MYO15B: variants seen among roughly 807,000 people sequenced by gnomAD.
MYO15B encodes myosin XVB, also known as myosin XVB pseudogene.
In MYO15B, 207 loss-of-function variants were observed where a neutral mutation model predicts 119.3. The observed-to-expected ratio is 1.73, with a 90% CI of 1.55 to 1.95. The LOEUF is 1.95. MYO15B is among the 30% of genes most tolerant of loss of function. The pLI, the probability that MYO15B is intolerant of heterozygous loss-of-function variation, is 0.00. For synonymous variants in MYO15B, 966 were observed against 498.9 expected (o/e 1.94, Z -12.48); for missense variants, 2,264 against 1,203.1 (o/e 1.88, Z -13.04).
At chr17:75,616,827 C>T (rs1042687202) in intron 39 of MYO15B, 42 bp downstream of exon 39, 16 of 702,948 alleles carry the variant, frequency 2.3e-5, no homozygotes, top group Admixed American at 4.0e-5. Context: ...TCCCGCTCCT[C>T]GGGGAATCAC....
exon 1 of MYO15B, chr17:75,588,133 G>C (rs2056181459): frequency 5.0e-6 from 2 of 398,098 alleles, no homozygotes; most frequent in Non-Finnish European, 8.9e-6. Flanking sequence ...GCAGGAGTCG[G>C]GGTCGGCCAG....
intron 10 of MYO15B, 38 bp downstream of exon 10, chr17:75,594,626 G>T (rs2056728276): frequency 1.4e-6 from 1 of 694,440 alleles, no homozygotes; most frequent in Non-Finnish European, 2.6e-6. Context: ...GCCTGGCCTG[G>T]CTGACCCACA....
exon 1 of MYO15B, chr17:75,588,184 G>A (rs777838038): frequency 2.5e-6 from 1 of 397,998 alleles, no homozygotes; most frequent in Non-Finnish European, 4.4e-6. Context: ...TTCCGACCGC[G>A]GGCAGGCGGA....
chr17:75,621,723 C>G, intron 52 of MYO15B, 153 bp downstream of exon 52: 1 of 606,408 alleles, frequency 1.6e-6, no homozygotes, highest in South Asian at 1.9e-5. Context: ...GGGCCCTCAC[C>G]CGCTTCTACT....
At chr17:75,613,669 C>T (rs1183174712) in intron 28 of MYO15B, 36 bp from the exon 29 acceptor site, 1 of 699,288 alleles carries the variant, frequency 1.4e-6, no homozygotes, top group African/African-American at 1.7e-5. Flanking sequence ...ACTCTGCTGT[C>T]CCTCACTCTT....
intron 53 of MYO15B, among the ~76,000 whole-genome samples, chr17:75,622,419 G>T (rs185751891): frequency 1.1e-4 from 16 of 152,290 alleles, no homozygotes; most frequent in African/African-American, 3.1e-4. Context: ...GTTCAGATGT[G>T]GGGGGAAGCC....
In MYO15B at chr17:75,602,598, C is replaced by A. The variant is rs2057354151; in HGVS notation, c.3729+4C>A. The A allele has an allele frequency of 4.5e-6, 3 of 665,320 alleles. No homozygotes were observed. Among genetic ancestry groups the A allele is most frequent in the Non-Finnish European group, 8.2e-6 (3 of 365,420 alleles). 41.2% of individuals were successfully genotyped at this position (665,320 alleles called of 1,614,324 possible). ...GCTTGGCCAGAGCCAGCTCCAGGTG[C>A]CCATCTGCCCTTCCAGGCCCCCACC... On this transcript the variant is annotated splice_donor_region_variant and intron_variant, in intron 16 of 63. Coordinates refer to ENST00000645453, the Ensembl canonical transcript of MYO15B.
At position 75,626,076 on chromosome 17, in the gene MYO15B, T is replaced by C. The variant is rs1252299536; in HGVS notation, c.9073-12T>C. The C allele has an allele frequency of 7.1e-6, 5 of 702,138 alleles. No homozygotes were observed. In the Admixed American group the frequency reaches 8.0e-5, roughly 11 times the overall value. The allele number at this position is 702,138 out of a possible 1,614,324, so 43.5% of individuals were successfully genotyped here. A position where few individuals can be genotyped will look rare whatever the true frequency, so the allele number is the denominator to read the frequency against. On this transcript the variant is annotated splice_polypyrimidine_tract_variant and intron_variant, in intron 62 of 63. Transcript: ENST00000645453. Reference sequence around the variant, plus strand: ...CGGAGAGGAGACCAGCCCTGCTCTCTGCTGCCCCCAGAGCCTGTACTGCCG... The same window carrying C: ...CGGAGAGGAGACCAGCCCTGCTCTCCGCTGCCCCCAGAGCCTGTACTGCCG...
rs1037672692 is a variant in MYO15B, at chr17:75,611,703, C to T, written c.4504+45C>T. Reference sequence around the variant, plus strand: ...TCTTGTTAGGACTCCTTCTCCAGTCCCTTTACTGTGGGGTGTGTCTGTCCC... The same window carrying T: ...TCTTGTTAGGACTCCTTCTCCAGTCTCTTTACTGTGGGGTGTGTCTGTCCC... On this transcript the variant is annotated intron_variant, in intron 24 of 63. Transcript: ENST00000645453. 7.3e-5 allele frequency: 51 copies of T among 702,422 alleles called. 1 individual carries two copies. In the African/African-American group the frequency reaches 7.7e-4, roughly 11 times the overall value. 43.5% of individuals were successfully genotyped at this position (702,422 alleles called of 1,614,324 possible).
chr17:75,612,476 C>A (rs946564285), intron 25 of MYO15B, among the ~76,000 whole-genome samples: 1 of 152,048 alleles, frequency 6.6e-6, no homozygotes, highest in Non-Finnish European at 1.5e-5. Flanking sequence ...AGTTTGAGAC[C>A]GGCCTGGCCA....
At chr17:75,626,481 C>A (rs1568247287) in exon 64 of MYO15B, 1 of 703,236 alleles carries the variant, frequency 1.4e-6, no homozygotes, top group South Asian at 1.5e-5. Flanking sequence ...CCAGCATCAA[C>A]TGAGAGGAGT....
chr17:75,602,807 G>T, intron 16 of MYO15B, 23 bp from the exon 17 acceptor site: 1 of 611,414 alleles, frequency 1.6e-6, no homozygotes, highest in South Asian at 1.9e-5. Context: ...GCGGCCAGCT[G>T]ACTCAGCCCT....
intron 28 of MYO15B, 88 bp downstream of exon 28, chr17:75,613,559 A>C (rs2147997315): frequency 3.1e-6 from 2 of 642,748 alleles, no homozygotes; most frequent in African/African-American, 1.8e-5. Context: ...TTCCTGCCCC[A>C]GTCTTCCTGC....
At chr17:75,621,324 G>A (rs570809145) in intron 50 of MYO15B, 21 bp from the exon 51 acceptor site, 2 of 692,588 alleles carry the variant, frequency 2.9e-6, no homozygotes, top group Non-Finnish European at 5.3e-6. Flanking sequence ...AAGCTGGGCT[G>A]TCTCCCTCTG....
At chr17:75,605,954 C>G (rs1460673458) in exon 21 of MYO15B, 1 of 702,772 alleles carries the variant, frequency 1.4e-6, no homozygotes, top group East Asian at 2.7e-5. Context: ...CCGCAGCTTC[C>G]ACACCTGCAT....
chr17:75,620,764 C>T (rs1420281299), intron 49 of MYO15B, 128 bp downstream of exon 49: 4 of 700,150 alleles, frequency 5.7e-6, no homozygotes, highest in Non-Finnish European at 5.2e-6. Flanking sequence ...TGTGGCTGCC[C>T]CTCTGCCCGC....
At position 75,625,825 on chromosome 17, in the gene MYO15B, G is replaced by T. The variant is rs750605659; in HGVS notation, c.8939-19G>T. The T allele has an allele frequency of 1.4e-6, 1 of 702,346 alleles. No homozygotes were observed. The highest frequency in any genetic ancestry group is 1.5e-5 in the South Asian group (1 of 67,570). 43.5% of individuals were successfully genotyped at this position (702,346 alleles called of 1,614,324 possible). A position where few individuals can be genotyped will look rare whatever the true frequency, so the allele number is the denominator to read the frequency against. On this transcript the variant is annotated intron_variant, in intron 61 of 63. Coordinates refer to ENST00000645453, the Ensembl canonical transcript of MYO15B. ...GCCCCAGCAGTCAGATTTCCTGCCT[G>T]CACCCTCTCCACCCGCAGAGGCCAT...
At chr17:75,599,361 G>A (rs1270297215) in intron 14 of MYO15B, among the ~76,000 whole-genome samples, 3 of 151,768 alleles carry the variant, frequency 2.0e-5, no homozygotes, top group East Asian at 3.9e-4. Flanking sequence ...TGCAAGCTCC[G>A]CCTCGCGGGT....
Position 75,610,954 on chromosome 17 carries a change from A to G in MYO15B, c.4441A>G (p.Ser1481Gly), listed in dbSNP as rs1201557729. The G allele has an allele frequency of 1.0e-5, 7 of 703,042 alleles. No homozygotes were observed. In the Admixed American group the frequency reaches 1.4e-4, roughly 14 times the overall value. 43.6% of individuals were successfully genotyped at this position (703,042 alleles called of 1,614,324 possible). A position where few individuals can be genotyped will look rare whatever the true frequency, so the allele number is the denominator to read the frequency against. The change falls in exon 23 of 64, where the codon AGC becomes GGC. Residue 1481 changes from serine to glycine, a missense_variant. Ser to Gly is a moderately conservative substitution (Grantham distance 56, BLOSUM62 0). Transcript: ENST00000645453. ...CGAAAGGGCCTTGGAGAGAGTGCCA[A>G]GCATGGTAGGTGGCCTGGAAAGTGG... is the stretch of plus-strand genomic sequence containing the variant.
Sources: allele counts gnomAD v4.1 joint callset (sites outside exome capture counted in the v4.1 genomes callset), GRCh38; gene constraint gnomAD v4.1.1; transcripts MANE v1.5; gene names NCBI Gene and HGNC (gene_info 2026-07-23, HGNC 2026-07-21).